Variants in CFAP20DC observed in about 807,000 individuals in gnomAD.
CFAP20DC encodes CFAP20 domain containing.
CFAP20DC carries 84 observed loss-of-function variants against 101.7 expected under a neutral mutation model. The observed-to-expected ratio is 0.83, with a 90% CI of 0.69 to 0.99. CFAP20DC has a LOEUF of 0.99. Ranked by LOEUF, CFAP20DC falls within the 50% of genes least tolerant of loss-of-function variation. CFAP20DC has a pLI of 0.00. For missense variants in CFAP20DC, 1,007 were observed against 970.3 expected, an observed-to-expected ratio of 1.04 and a Z score of -0.50; for synonymous variants, 359 against 351.2, an observed-to-expected ratio of 1.02 and a Z score of -0.25.
intron 15 of CFAP20DC, among the ~76,000 whole-genome samples, chr3:58,796,871 C>T (rs1285978122): frequency 2.0e-5 from 3 of 152,134 alleles, no homozygotes; most frequent in African/African-American, 7.2e-5. Context: ...ACTGTTCTAT[C>T]TGTTACGGTG....
rs987370828 is a variant in CFAP20DC at position 58,899,614 on chromosome 3, T to C, written c.550+14094A>G. On this transcript the variant is annotated intron_variant, in intron 6 of 16. Coordinates refer to ENST00000482387, the MANE Select transcript of CFAP20DC (RefSeq NM_001394063.1). This position sits in a 1 kb window ranked among gnomAD's most constrained non-coding sequence, Gnocchi z 5.0. ...TATTGGACCCAGTACCCTGGTGGCA[T>C]GCGCTTATGAGGGGATCTCCTAATC... Among the ~76,000 whole-genome samples the C allele has an allele frequency of 3.3e-5, 5 of 152,160 alleles. No homozygotes were observed. Among genetic ancestry groups the C allele is most frequent in the African/African-American group, 1.2e-4 (5 of 41,438 alleles).
Position 58,753,769 on chromosome 3 carries a change from C to A in CFAP20DC, c.2332G>T (p.Gly778Cys). 6.2e-7 allele frequency: 1 copy of A among 1,605,356 alleles called. No homozygotes were observed. The highest frequency in any genetic ancestry group is 2.2e-5 in the East Asian group (1 of 44,816). ...TGCATATCGTTTTTCATAGTCCCAC[C>A]TTGAACACTCAAACTTTCACAGGAA... The part of the protein sequence containing the change: ...PDSCESLSVQ[G>C]EEDLSVEEDE... Residue 778 changes from glycine (G) to cysteine (C), a missense_variant and splice_region_variant, in exon 16 of 17, where the codon GGT becomes TGT. Physicochemically the swap from Gly to Cys is radical, Grantham distance 159. Transcript: ENST00000482387.
At chr3:59,040,200 AC>A (rs1410465494) in intron 3 of CFAP20DC, among the ~76,000 whole-genome samples, 7 of 152,080 alleles carry the variant, frequency 4.6e-5, no homozygotes, top group Admixed American at 2.0e-4. Flanking sequence ...TTGTTAATTA[AC>A]ATATATTTAA....
At chr3:59,008,433 C>A (rs2093491961) in intron 4 of CFAP20DC, among the ~76,000 whole-genome samples, 2 of 152,208 alleles carry the variant, frequency 1.3e-5, no homozygotes, top group Admixed American at 6.5e-5. Context: ...ACAACTGGTG[C>A]CTACCCAGGA....
intron 15 of CFAP20DC, among the ~76,000 whole-genome samples, chr3:58,773,370 G>A (rs1156702334): frequency 2.7e-5 from 4 of 148,734 alleles, no homozygotes; most frequent in Non-Finnish European, 5.9e-5. Context: ...GGGCAATATA[G>A]TGAGACCTCA....
At chr3:58,805,863 G>C (rs959146620) in intron 15 of CFAP20DC, among the ~76,000 whole-genome samples, 3 of 151,970 alleles carry the variant, frequency 2.0e-5, no homozygotes, top group Non-Finnish European at 2.9e-5. Flanking sequence ...TGACATTTTT[G>C]AAATAAAATA....
chr3:58,737,317 C>A, downstream of CFAP20DC: 1 of 442,498 alleles, frequency 2.3e-6, no homozygotes, highest in Non-Finnish European at 4.5e-6. The surrounding 1 kb of genome is among the most constrained non-coding windows in gnomAD (Gnocchi z 4.1). Flanking sequence ...CACACACACA[C>A]ACACAGACAC....
At chr3:58,962,693 C>G (rs1379746580) in intron 4 of CFAP20DC, among the ~76,000 whole-genome samples, 2 of 152,154 alleles carry the variant, frequency 1.3e-5, no homozygotes, top group Non-Finnish European at 2.9e-5. Flanking sequence ...ATTCAAAGCT[C>G]AGGCCGTGAA....
At chr3:59,013,746 G>T (rs765349009) in intron 4 of CFAP20DC, among the ~76,000 whole-genome samples, 1 of 152,098 alleles carries the variant, frequency 6.6e-6, no homozygotes, top group Non-Finnish European at 1.5e-5. Flanking sequence ...TTATTGCAAA[G>T]AGGTAACAAA....
intron 5 of CFAP20DC, among the ~76,000 whole-genome samples, chr3:58,916,565 A>T (rs1339566495): frequency 6.6e-6 from 1 of 152,150 alleles, no homozygotes; most frequent in African/African-American, 2.4e-5. Flanking sequence ...GTGGGCATTG[A>T]GTATATGTGT....
intron 15 of CFAP20DC, among the ~76,000 whole-genome samples, chr3:58,777,253 C>G (rs1283541779): frequency 6.6e-6 from 1 of 152,178 alleles, no homozygotes. Flanking sequence ...GCCCCCTCCC[C>G]GCTTTGTGTT....
At chr3:58,891,418 CCGTGGGGAGAGGGAGAGGGAGAG>C (rs1354734766) in intron 6 of CFAP20DC, among the ~76,000 whole-genome samples, 1 of 126,152 alleles carries the variant, frequency 7.9e-6, no homozygotes, top group Non-Finnish European at 1.6e-5. Context: ...GAGAGGGAGA[CCGTGGGGAGAGGGAGAGGGAGAG>C]GGAGAGGGAG....
intron 4 of CFAP20DC, among the ~76,000 whole-genome samples, chr3:58,994,025 T>G (rs1348389506): frequency 6.6e-6 from 1 of 152,190 alleles, no homozygotes; most frequent in Non-Finnish European, 1.5e-5. Flanking sequence ...TCCACAATGG[T>G]TGAACTAACT....
intron 3 of CFAP20DC, among the ~76,000 whole-genome samples, chr3:59,042,071 G>A (rs1053774681): frequency 5.3e-5 from 8 of 152,082 alleles, no homozygotes; most frequent in African/African-American, 1.7e-4. Context: ...AGGAGAAGAG[G>A]ATGATTAGTG....
intron 14 of CFAP20DC, among the ~76,000 whole-genome samples, chr3:58,823,443 C>T (rs2075826967): frequency 2.6e-5 from 4 of 152,168 alleles, no homozygotes; most frequent in Admixed American, 2.6e-4. Flanking sequence ...CTACGACCAT[C>T]ATCATAATAG....
At chr3:58,910,028 T>G (rs2083989068) in intron 6 of CFAP20DC, among the ~76,000 whole-genome samples, 1 of 152,172 alleles carries the variant, frequency 6.6e-6, no homozygotes, top group African/African-American at 2.4e-5. Context: ...GATGATGGCT[T>G]CCAACTTCAT....
At chr3:58,907,815 C>T (rs765336946) in intron 6 of CFAP20DC, among the ~76,000 whole-genome samples, 25 of 152,104 alleles carry the variant, frequency 1.6e-4, no homozygotes, top group Admixed American at 8.5e-4. Context: ...AGATAGGGTG[C>T]GTACAAGGCG....
At chr3:58,812,625 C>G (rs550256667) in intron 14 of CFAP20DC, among the ~76,000 whole-genome samples, 1 of 151,598 alleles carries the variant, frequency 6.6e-6, no homozygotes, top group Non-Finnish European at 1.5e-5. Flanking sequence ...TTAATGGGTG[C>G]AGCACACCAG....
At chr3:58,996,096 T>A (rs1338970329) in intron 4 of CFAP20DC, among the ~76,000 whole-genome samples, 1 of 150,158 alleles carries the variant, frequency 6.7e-6, no homozygotes, top group East Asian at 1.9e-4. Context: ...TTGGTATAAA[T>A]GAAGCAGAAA....
Sources: gnomAD v4.1 joint callset for allele counts (sites outside exome capture counted in the v4.1 genomes callset) on GRCh38, gnomAD v4.1.1 for gene constraint, Gnocchi (gnomAD v3.1) non-coding constraint, MANE v1.5 for transcripts, NCBI Gene and HGNC (gene_info 2026-07-23, HGNC 2026-07-21) for gene names.